ADAMTSL1: variants seen among roughly 807,000 people sequenced by gnomAD.
ADAMTSL1 encodes the protein ADAMTS-like protein 1.
Under a neutral mutation model 201.8 loss-of-function variants are expected in ADAMTSL1, and 126 were observed. The observed-to-expected ratio is 0.62, with a 90% confidence interval of 0.54 to 0.72. The LOEUF is 0.72. Among genes scored for constraint, ADAMTSL1 ranks in the 30% least tolerant of loss-of-function variants. ADAMTSL1 has a pLI of 0.00. For missense variants in ADAMTSL1, 2,679 were observed against 2,277.8 expected (o/e 1.18, Z -3.59); for synonymous variants, 1,121 against 903.4 (o/e 1.24, Z -4.32).
chr9:18,474,117 A>C, upstream of ADAMTSL1: 1 of 555,542 alleles, frequency 1.8e-6, no homozygotes. Flanking sequence ...AGAGGGGCTG[A>C]TGGAAGCTGA....
intron 1 of ADAMTSL1, among the ~76,000 whole-genome samples, chr9:18,099,328 T>A (rs1326933920): frequency 4.2e-4 from 21 of 50,112 alleles, no homozygotes; most frequent in Admixed American, 2.3e-4. Flanking sequence ...AAATGGAAAA[T>A]ATATATATAT....
intron 1 of ADAMTSL1, among the ~76,000 whole-genome samples, chr9:18,070,319 T>A (rs1052520453): frequency 6.6e-6 from 1 of 152,160 alleles, no homozygotes; most frequent in Admixed American, 6.5e-5. Flanking sequence ...TTGGTCGACA[T>A]AGCTAAGAGC....
At chr9:17,997,134 G>T (rs559573141) in intron 1 of ADAMTSL1, among the ~76,000 whole-genome samples, 1 of 152,172 alleles carries the variant, frequency 6.6e-6, no homozygotes, top group African/African-American at 2.4e-5. Context: ...AGCATATAGG[G>T]TTGGCTCTAT....
Position 18,892,403 on chromosome 9 carries a change from C to G in ADAMTSL1, c.4658C>G (p.Ser1553Cys). 6.2e-7 allele frequency: 1 copy of G among 1,612,928 alleles called. No homozygotes were observed. Among genetic ancestry groups the G allele is most frequent in the Non-Finnish European group, 8.5e-7 (1 of 1,179,636 alleles). ...RDCPSRWMVT[S>C]WSACTRSCGG... is the part of the protein sequence containing the mutation. The stretch of plus-strand genomic sequence containing the variant: ...CCTCTCCCCAGGTGGATGGTGACCT[C>G]CTGGTCTGCCTGTACCCGGAGCTGT... Residue 1553 changes from serine (S) to cysteine (C), a missense_variant, in exon 26 of 29, where the codon TCC becomes TGC. Transcript: ENST00000380548.
At chr9:18,307,901 A>T (rs73428971) in intron 2 of ADAMTSL1, among the ~76,000 whole-genome samples, 2 of 152,098 alleles carry the variant, frequency 1.3e-5, no homozygotes, top group African/African-American at 4.8e-5. Flanking sequence ...CATTCTTTTC[A>T]GCACCACATA....
chr9:18,487,540 C>A (rs992767599), intron 1 of ADAMTSL1, among the ~76,000 whole-genome samples: 4 of 151,972 alleles, frequency 2.6e-5, no homozygotes, highest in African/African-American at 7.2e-5. Flanking sequence ...TTAGACTTAG[C>A]AAAAGGGGAA....
At chr9:18,042,765 TAAG>T (rs1175264543) in intron 1 of ADAMTSL1, among the ~76,000 whole-genome samples, 1 of 152,174 alleles carries the variant, frequency 6.6e-6, no homozygotes, top group African/African-American at 2.4e-5. Flanking sequence ...CTCTGTAGTC[TAAG>T]AAGTGCCAAG....
At chr9:18,534,898 G>A (rs1819664155) in intron 3 of ADAMTSL1, among the ~76,000 whole-genome samples, 1 of 152,176 alleles carries the variant, frequency 6.6e-6, no homozygotes, top group African/African-American at 2.4e-5. Context: ...TAGAGCAGGG[G>A]GCCACAGACC....
In ADAMTSL1 at chr9:18,680,321, C is replaced by T; in HGVS notation, c.1146C>T (p.Ala382=). Residue 382 remains alanine, a synonymous_variant, in exon 11 of 29, where the codon GCC becomes GCT. Transcript: ENST00000380548. ...DLYHPLPRWE[A]TPWTACSSSC... ...CCCCTTGCTTCTGTAGGTGGGAGGC[C>T]ACCCCATGGACCGCGTGCTCCTCCT... 1 of 1,614,044 alleles carries T rather than the reference C, an allele frequency of 6.2e-7. No individual in the cohort carries two copies.
intron 2 of ADAMTSL1, among the ~76,000 whole-genome samples, chr9:18,234,034 G>C (rs181678257): frequency 2.0e-4 from 31 of 152,334 alleles, no homozygotes; most frequent in African/African-American, 7.5e-4. Flanking sequence ...CGCCTGTGAA[G>C]GTTGGTGGCC....
rs767391990 is a variant in ADAMTSL1, at chr9:18,892,492, C to T, written c.4747C>T (p.Pro1583Ser). ...GCTGAAAGCCTCTGGGATCTCCACCCCTGTGTCCAATGACATGTGCACCCA... is the reference window on the plus strand; with the variant it reads ...GCTGAAAGCCTCTGGGATCTCCACCTCTGTGTCCAATGACATGTGCACCCA... ...QKLKASGIST[P>S]VSNDMCTQVA... Residue 1583 changes from proline (P) to serine (S), a missense_variant, in exon 26 of 29, where the codon CCT (proline) becomes TCT (serine). Physicochemically the swap from Pro to Ser is moderately conservative, Grantham distance 74. Coordinates refer to ENST00000380548, the MANE Select transcript of ADAMTSL1 (RefSeq NM_001040272.6). 1 of 1,609,388 alleles carries T rather than the reference C, an allele frequency of 6.2e-7. No homozygotes were observed.
chr9:18,609,021 C>T (rs1192255542), intron 4 of ADAMTSL1, among the ~76,000 whole-genome samples: 1 of 152,142 alleles, frequency 6.6e-6, no homozygotes, highest in Non-Finnish European at 1.5e-5. Flanking sequence ...TTGATACATT[C>T]ATATGGGCAG....
intron 23 of ADAMTSL1, among the ~76,000 whole-genome samples, chr9:18,880,537 G>T (rs1457836497): frequency 1.3e-5 from 2 of 152,174 alleles, no homozygotes; most frequent in Non-Finnish European, 2.9e-5. Context: ...TTGAAAGAAG[G>T]CTTTTTCTCT....
intron 2 of ADAMTSL1, among the ~76,000 whole-genome samples, chr9:18,267,820 C>G (rs1832192499): frequency 6.8e-6 from 1 of 146,974 alleles, no homozygotes; most frequent in South Asian, 2.1e-4. Flanking sequence ...AGACACTGAG[C>G]CCAGAAACCA....
chr9:18,344,237 A>G (rs1345559903), intron 2 of ADAMTSL1, among the ~76,000 whole-genome samples: 1 of 152,034 alleles, frequency 6.6e-6, no homozygotes, highest in Admixed American at 6.6e-5. Flanking sequence ...TATTTTCTAT[A>G]TCCTTCTCAT....
intron 16 of ADAMTSL1, among the ~76,000 whole-genome samples, chr9:18,764,705 G>T (rs995992744): frequency 6.6e-5 from 10 of 152,226 alleles, no homozygotes; most frequent in Admixed American, 5.2e-4. Context: ...GTATGTCAAG[G>T]AATGGGCTGG....
intron 24 of ADAMTSL1, 25 bp downstream of exon 24, chr9:18,888,068 T>A: frequency 6.2e-7 from 1 of 1,601,686 alleles, no homozygotes; most frequent in Non-Finnish European, 8.5e-7. Flanking sequence ...AGACTTTGCA[T>A]ACTGGACTTG....
intron 1 of ADAMTSL1, among the ~76,000 whole-genome samples, chr9:17,974,043 C>G (rs1283553662): frequency 6.6e-6 from 1 of 152,054 alleles, no homozygotes; most frequent in Non-Finnish European, 1.5e-5. Flanking sequence ...CAAAATTCAA[C>G]AACCCTTCAT....
chr9:18,137,715 T>C (rs1826219594), intron 1 of ADAMTSL1, among the ~76,000 whole-genome samples: 1 of 152,214 alleles, frequency 6.6e-6, no homozygotes, highest in Non-Finnish European at 1.5e-5. Context: ...AATGATGGAA[T>C]GCCTACAGTT....
Sources: allele counts gnomAD v4.1 joint callset (sites outside exome capture counted in the v4.1 genomes callset), GRCh38; gene constraint gnomAD v4.1.1; transcripts MANE v1.5; gene names NCBI Gene and HGNC (gene_info 2026-07-23, HGNC 2026-07-21).